CBLB: variants seen among roughly 807,000 people sequenced by gnomAD.
CBLB encodes E3 ubiquitin-protein ligase CBL-B.
A neutral mutation model predicts 104.9 loss-of-function variants in CBLB; 31 were observed. That is an observed-to-expected ratio of 0.30 (90% confidence interval 0.22 to 0.40). The LOEUF (loss-of-function observed/expected upper bound fraction) is 0.40. Among genes scored for constraint, CBLB ranks in the 10% least tolerant of loss-of-function variants. The pLI is 1.00. For missense variants in CBLB, 1,062 were observed against 1,214.6 expected, an observed-to-expected ratio of 0.87 and a Z score of 1.87; for synonymous variants, 440 against 422.6, an observed-to-expected ratio of 1.04 and a Z score of -0.51.
chr3:105,701,150 T>C (rs1303816768), intron 12 of CBLB, among the ~76,000 whole-genome samples: 1 of 152,178 alleles, frequency 6.6e-6, no homozygotes, highest in Non-Finnish European at 1.5e-5. Context: ...CTAAAGTAAA[T>C]GATTTCTGCT....
intron 12 of CBLB, among the ~76,000 whole-genome samples, chr3:105,698,155 G>C (rs1457155814): frequency 1.3e-5 from 2 of 152,018 alleles, no homozygotes; most frequent in East Asian, 3.9e-4. Flanking sequence ...GCTAGCTTTT[G>C]ATTATGCTAG....
intron 3 of CBLB, among the ~76,000 whole-genome samples, chr3:105,796,821 G>A (rs1156558491): frequency 6.6e-6 from 1 of 152,106 alleles, no homozygotes; most frequent in Non-Finnish European, 1.5e-5. Context: ...AACAAGCATA[G>A]GAAAAAATGT....
intron 4 of CBLB, among the ~76,000 whole-genome samples, chr3:105,766,466 T>C (rs932151840): frequency 2.6e-5 from 4 of 152,182 alleles, no homozygotes; most frequent in East Asian, 1.9e-4. Context: ...GAAGAACCAA[T>C]TGATGTAGTA....
At chr3:105,767,276 C>T (rs1299305724) in intron 4 of CBLB, among the ~76,000 whole-genome samples, 1 of 151,832 alleles carries the variant, frequency 6.6e-6, no homozygotes, top group Non-Finnish European at 1.5e-5. Flanking sequence ...GTTTTCTTTA[C>T]CTAGAGGGAA....
rs145935290 is a variant in CBLB, at chr3:105,823,256, T to C, written c.419+30158A>G. ...TGTTAGGATCAGCGTCTCTGACAAA[T>C]AAAACCACACAGAATGGGGTGGCCC... On this transcript the variant is annotated intron_variant, in intron 3 of 18. Coordinates refer to ENST00000394030, the MANE Select transcript of CBLB (RefSeq NM_170662.5). Among the ~76,000 whole-genome samples, 101 of 152,210 alleles carry C rather than the reference T, an allele frequency of 6.6e-4. 1 individual carries two copies. Among genetic ancestry groups the C allele is most frequent in the Non-Finnish European group, 2.9e-4 (20 of 67,994 alleles).
rs60536875 is a variant in CBLB, at chr3:105,823,791, G to T, written c.419+29623C>A. Among the ~76,000 whole-genome samples the T allele has an allele frequency of 6.2e-3, 948 of 151,976 alleles. 32 individuals are homozygous for T. The highest frequency in any genetic ancestry group is 0.052 in the East Asian group (269 of 5,138). ...TTGTGTTGAGCTCTTACTCGCCAGGGTCCATGAACTCTGCACCCAGAAATT... is the reference window on the plus strand; with the variant it reads ...TTGTGTTGAGCTCTTACTCGCCAGGTTCCATGAACTCTGCACCCAGAAATT... On this transcript the variant is annotated intron_variant, in intron 3 of 18. Transcript: ENST00000394030.
At chr3:105,763,711 A>G (rs758848723) in intron 4 of CBLB, among the ~76,000 whole-genome samples, 4 of 152,236 alleles carry the variant, frequency 2.6e-5, no homozygotes, top group Non-Finnish European at 5.9e-5. Flanking sequence ...ATTAAGTCAC[A>G]CTTTCTCTAC....
chr3:105,681,395 G>T, intron 16 of CBLB, 84 bp downstream of exon 16: 1 of 1,442,796 alleles, frequency 6.9e-7, no homozygotes, highest in Non-Finnish European at 9.7e-7. Flanking sequence ...GTGAGTCTGT[G>T]TTATACTGAA....
rs114529173 is a variant in CBLB, at chr3:105,664,757, C to T, written c.2689+5476G>A. Among the ~76,000 whole-genome samples, 517 of 152,240 alleles carry T rather than the reference C, an allele frequency of 3.4e-3. 3 individuals carry two copies. Among genetic ancestry groups the T allele is most frequent in the African/African-American group, 0.012 (497 of 41,552 alleles). ...AATATAGGAAGTACATAGTGAGTGG[C>T]TTTCCTAAGGTCATGTGAAAAATAA... On this transcript the variant is annotated intron_variant, in intron 18 of 18. Transcript: ENST00000394030.
Position 105,782,780 on chromosome 3 carries a change from C to A in CBLB, c.420-6238G>T, listed in dbSNP as rs777774942. ...AGAGAAGGGGTTTCTCCATGTTGGCCAGGCTGGTTTGGAACTCCTGACCTC... is the reference window on the plus strand; with the variant it reads ...AGAGAAGGGGTTTCTCCATGTTGGCAAGGCTGGTTTGGAACTCCTGACCTC... On this transcript the variant is annotated intron_variant, in intron 3 of 18. Transcript: ENST00000394030. Among the ~76,000 whole-genome samples the A allele has an allele frequency of 7.6e-4, 116 of 151,948 alleles. 1 individual carries two copies. Among genetic ancestry groups the A allele is most frequent in the Non-Finnish European group, 2.8e-4 (19 of 67,964 alleles).
At chr3:105,683,505 T>C (rs1225968006) in intron 14 of CBLB, among the ~76,000 whole-genome samples, 3 of 142,450 alleles carry the variant, frequency 2.1e-5, no homozygotes, top group East Asian at 2.0e-4. Flanking sequence ...TCCAATATGA[T>C]GTAACAATTA....
chr3:105,735,689 G>A (rs369072500), intron 8 of CBLB, among the ~76,000 whole-genome samples: 7 of 152,258 alleles, frequency 4.6e-5, no homozygotes, highest in African/African-American at 1.2e-4. Flanking sequence ...GGTGGCTCAC[G>A]CCTGTAATCC....
intron 3 of CBLB, among the ~76,000 whole-genome samples, chr3:105,836,312 G>T (rs1179709584): frequency 6.6e-6 from 1 of 152,178 alleles, no homozygotes; most frequent in African/African-American, 2.4e-5. Context: ...AAATAATTTA[G>T]CATAGTTATC....
At position 105,821,263 on chromosome 3, in the gene CBLB, T is replaced by TCTAC. The variant is rs1272577927; in HGVS notation, c.419+32150_419+32151insGTAG. ...TAAAGATCAGATATCTATATCTATA[T>TCTAC]CTATCTATCTATCTATCTATCTATC... On this transcript the variant is annotated intron_variant, in intron 3 of 18. Coordinates refer to ENST00000394030, the MANE Select transcript of CBLB (RefSeq NM_170662.5). 4.1e-3 allele frequency among the ~76,000 whole-genome samples: 618 copies of TCTAC among 149,988 alleles called. 2 individuals are homozygous for TCTAC. Among genetic ancestry groups the TCTAC allele is most frequent in the Non-Finnish European group, 6.6e-3 (446 of 67,814 alleles).
In CBLB at chr3:105,681,463, T is replaced by A. The variant is rs1228215496; in HGVS notation, c.2428+16A>T. On this transcript the variant is annotated intron_variant, in intron 16 of 18. Transcript: ENST00000394030. Reference sequence around the variant, plus strand: ...AGGAGGGGTGGGTTGTTCAAAACTTTTTTAAAGGTTTCAACCTAATGGAGG... The same window carrying A: ...AGGAGGGGTGGGTTGTTCAAAACTTATTTAAAGGTTTCAACCTAATGGAGG... The A allele has an allele frequency of 2.5e-6, 4 of 1,613,720 alleles. No homozygotes were observed. Among genetic ancestry groups the A allele is most frequent in the Non-Finnish European group, 3.4e-6 (4 of 1,179,772 alleles).
chr3:105,687,295 A>T (rs2067128449), intron 13 of CBLB, among the ~76,000 whole-genome samples: 1 of 152,128 alleles, frequency 6.6e-6, no homozygotes, highest in African/African-American at 2.4e-5. Flanking sequence ...CCAAAGATTT[A>T]AGTTTCCAAA....
intron 3 of CBLB, among the ~76,000 whole-genome samples, chr3:105,821,373 T>C (rs1447818090): frequency 1.3e-5 from 2 of 152,126 alleles, no homozygotes; most frequent in East Asian, 3.9e-4. Flanking sequence ...GCTTACACAT[T>C]CACCTTCCTA....
chr3:105,692,998 C>G (rs1045487890), intron 13 of CBLB, among the ~76,000 whole-genome samples: 18 of 151,248 alleles, frequency 1.2e-4, no homozygotes, highest in African/African-American at 4.1e-4. Flanking sequence ...AAGGCTCTTT[C>G]AGTTGTCCAG....
At chr3:105,776,091 T>C (rs1184718193) in intron 4 of CBLB, among the ~76,000 whole-genome samples, 1 of 152,230 alleles carries the variant, frequency 6.6e-6, no homozygotes, top group Admixed American at 6.5e-5. Flanking sequence ...TATTAAATTA[T>C]AAGAAGTTAT....
Sources: gnomAD v4.1 joint callset for allele counts (sites outside exome capture counted in the v4.1 genomes callset) on GRCh38, gnomAD v4.1.1 for gene constraint, MANE v1.5 for transcripts, NCBI Gene and HGNC (gene_info 2026-07-23, HGNC 2026-07-21) for gene names.